ARHGEF7: variants seen among roughly 807,000 people sequenced by gnomAD.
ARHGEF7 encodes the protein PAK-interacting exchange factor beta.
In ARHGEF7, 33 loss-of-function variants were observed where a neutral mutation model predicts 109.8. The ratio of observed to expected loss-of-function variants is 0.30; its 90% confidence interval spans 0.23 to 0.40. The LOEUF (loss-of-function observed/expected upper bound fraction) is 0.40, where lower values mean the gene tolerates loss of function less well. Ranked by LOEUF, ARHGEF7 falls within the 10% of genes least tolerant of loss-of-function variation. ARHGEF7 has a pLI of 1.00. For synonymous variants in ARHGEF7, 458 were observed against 424.6 expected (o/e 1.08, Z -0.97); for missense variants, 938 against 1,098.5 (o/e 0.85, Z 2.07).
intron 8 of ARHGEF7, among the ~76,000 whole-genome samples, chr13:111,260,059 C>T (rs1287828422): frequency 6.6e-6 from 1 of 152,014 alleles, no homozygotes; most frequent in Non-Finnish European, 1.5e-5. Flanking sequence ...TCTAAAAATA[C>T]ACAGAAGAGA....
intron 2 of ARHGEF7, chr13:111,203,033 T>C (rs777406929): frequency 3.8e-5 from 48 of 1,253,610 alleles, no homozygotes; most frequent in Middle Eastern, 4.4e-4. Context: ...AAGAAAGATA[T>C]ATAGTTCTGG....
intron 1 of ARHGEF7, among the ~76,000 whole-genome samples, chr13:111,149,096 G>T (rs2075760178): frequency 6.6e-6 from 1 of 151,756 alleles, no homozygotes; most frequent in Non-Finnish European, 1.5e-5. Context: ...TAAAAAAAAA[G>T]CCCTATACAT....
chr13:111,272,880 G>T lies in ARHGEF7; in HGVS notation c.1074-934G>T, dbSNP rs149975836. ...CAGGTGACTGTCAGCCTTAACAAAC[G>T]TGTGGGTGAAGAGCTGGACCCCCCA... On this transcript the variant is annotated intron_variant, in intron 9 of 21. Transcript: ENST00000646102. The surrounding 1 kb of genome is among the most constrained non-coding windows in gnomAD (Gnocchi z 5.2). Among the ~76,000 whole-genome samples, 8 of 152,236 alleles carry T rather than the reference G, an allele frequency of 5.3e-5. No homozygotes were observed. The highest frequency in any genetic ancestry group is 3.4e-3 in the Middle Eastern group (1 of 294).
In ARHGEF7 at chr13:111,301,355, C is replaced by T. The variant is rs949009302; in HGVS notation, c.2412-123C>T. 10 of 810,762 alleles carry T rather than the reference C, an allele frequency of 1.2e-5. No homozygotes were observed. In the Admixed American group the frequency reaches 1.7e-4, roughly 14 times the overall value. The allele number at this position is 810,762 out of a possible 1,614,324, so 50.2% of individuals were successfully genotyped here. On this transcript the variant is annotated intron_variant, in intron 20 of 21. Transcript: ENST00000646102. ...TTTTTAGTTGTGAATGTAGACAGTACATGGGTAAGGCAGAGCAGCTCCGTG... is the reference window on the plus strand; with the variant it reads ...TTTTTAGTTGTGAATGTAGACAGTATATGGGTAAGGCAGAGCAGCTCCGTG...
chr13:111,257,797 G>C lies in ARHGEF7; in HGVS notation c.951-9751G>C, dbSNP rs574094849. Among the ~76,000 whole-genome samples the C allele has an allele frequency of 3.3e-5, 5 of 152,360 alleles. No individual in the cohort carries two copies. In the South Asian group the frequency reaches 8.3e-4, roughly 25 times the overall value. On this transcript the variant is annotated intron_variant, in intron 8 of 21. Transcript: ENST00000646102. ...CGGAGAGGGGGAGGGCTCAGTAGTT[G>C]TGAGACTTTGTATTGGAACTCAGTG...
At chr13:111,152,352 GA>G (rs1238502912) in intron 1 of ARHGEF7, among the ~76,000 whole-genome samples, 1 of 152,016 alleles carries the variant, frequency 6.6e-6, no homozygotes, top group African/African-American at 2.4e-5. Context: ...AAACTATGAA[GA>G]AAAAAATTAG....
intron 18 of ARHGEF7, among the ~76,000 whole-genome samples, chr13:111,289,342 G>A (rs565292182): frequency 6.6e-6 from 1 of 152,228 alleles, no homozygotes; most frequent in African/African-American, 2.4e-5. Flanking sequence ...CCCTAAGGTG[G>A]CTTTTTTTCT....
chr13:111,194,079 G>A (rs1350186481), intron 2 of ARHGEF7, among the ~76,000 whole-genome samples: 1 of 152,204 alleles, frequency 6.6e-6, no homozygotes, highest in Non-Finnish European at 1.5e-5. Context: ...CTGACGCTAA[G>A]ACGGCCACCG....
At chr13:111,164,206 C>T (rs1383390396) in intron 2 of ARHGEF7, among the ~76,000 whole-genome samples, 2 of 152,218 alleles carry the variant, frequency 1.3e-5, no homozygotes, top group East Asian at 1.9e-4. Flanking sequence ...GGCAGTTCCC[C>T]ACTTAGCAGA....
intron 1 of ARHGEF7, among the ~76,000 whole-genome samples, chr13:111,123,456 G>A (rs2067328472): frequency 6.6e-6 from 1 of 151,476 alleles, no homozygotes; most frequent in African/African-American, 2.4e-5. Flanking sequence ...AGCCACTGAG[G>A]TTTACCATGG....
chr13:111,153,289 G>T (rs531863529), intron 1 of ARHGEF7, among the ~76,000 whole-genome samples: 2 of 152,248 alleles, frequency 1.3e-5, no homozygotes, highest in Non-Finnish European at 2.9e-5. Flanking sequence ...ACTTGGGAGA[G>T]GCCGAGGACC....
At chr13:111,124,582 G>A (rs141669057) in intron 1 of ARHGEF7, among the ~76,000 whole-genome samples, 12 of 152,306 alleles carry the variant, frequency 7.9e-5, no homozygotes, top group Non-Finnish European at 1.0e-4. Flanking sequence ...TGATGGGGCT[G>A]GGGCCCCTAG....
intron 2 of ARHGEF7, among the ~76,000 whole-genome samples, chr13:111,166,092 A>T (rs1195300416): frequency 2.0e-5 from 3 of 151,980 alleles, no homozygotes; most frequent in Non-Finnish European, 2.9e-5. Context: ...TTTGCCCACC[A>T]CCATTAGCCC....
chr13:111,139,842 C>T (rs1000695510), intron 1 of ARHGEF7, among the ~76,000 whole-genome samples: 3 of 152,218 alleles, frequency 2.0e-5, no homozygotes, highest in East Asian at 3.9e-4. Context: ...ACTGGGAAGC[C>T]CATGGGCAGC....
intron 8 of ARHGEF7, among the ~76,000 whole-genome samples, chr13:111,262,519 T>C (rs1002387189): frequency 1.3e-5 from 2 of 152,190 alleles, no homozygotes; most frequent in East Asian, 3.9e-4. Context: ...GCTGGGTTCC[T>C]TGCGGCTGGA....
At chr13:111,213,827 G>A (rs535113776) in intron 4 of ARHGEF7, among the ~76,000 whole-genome samples, 2 of 152,142 alleles carry the variant, frequency 1.3e-5, no homozygotes, top group Middle Eastern at 3.2e-3. Context: ...CTCAGCTGCC[G>A]TGATTTTAGG....
intron 1 of ARHGEF7, among the ~76,000 whole-genome samples, chr13:111,149,154 A>G (rs570594043): frequency 6.6e-6 from 1 of 152,260 alleles, no homozygotes; most frequent in South Asian, 2.1e-4. Context: ...TCACGCCTGT[A>G]ATCCCAGCAC....
chr13:111,219,933 G>C (rs2153494062), intron 5 of ARHGEF7, among the ~76,000 whole-genome samples: 1 of 152,272 alleles, frequency 6.6e-6, no homozygotes, highest in South Asian at 2.1e-4. Flanking sequence ...TTCATGTGTA[G>C]AGCCCACTGA....
intron 2 of ARHGEF7, among the ~76,000 whole-genome samples, chr13:111,170,142 T>C (rs759376655): frequency 1.3e-5 from 2 of 152,244 alleles, no homozygotes; most frequent in Non-Finnish European, 2.9e-5. Flanking sequence ...CTGTTCTCCC[T>C]GCTGGAGTGC....
Sources: gnomAD v4.1 joint callset for allele counts (sites outside exome capture counted in the v4.1 genomes callset) on GRCh38, gnomAD v4.1.1 for gene constraint, Gnocchi (gnomAD v3.1) non-coding constraint, MANE v1.5 for transcripts, NCBI Gene and HGNC (gene_info 2026-07-23, HGNC 2026-07-21) for gene names.